Variants in ZFPM2 observed in about 807,000 individuals in gnomAD.
ZFPM2 encodes the protein zinc finger protein ZFPM2.
Under a neutral mutation model 98.6 loss-of-function variants are expected in ZFPM2, and 20 were observed. The observed-to-expected ratio is 0.20, with a 90% CI of 0.14 to 0.29. The LOEUF (loss-of-function observed/expected upper bound fraction) is 0.29. Among genes scored for constraint, ZFPM2 ranks in the 10% least tolerant of loss-of-function variants. The pLI is 1.00. For missense variants in ZFPM2, 1,310 were observed against 1,388.6 expected (o/e 0.94, Z 0.90); for synonymous variants, 518 against 502.7 (o/e 1.03, Z -0.41).
chr8:105,478,058 C>A (rs567828549), intron 3 of ZFPM2, among the ~76,000 whole-genome samples: 5 of 152,246 alleles, frequency 3.3e-5, no homozygotes, highest in African/African-American at 1.2e-4. Flanking sequence ...AACTCTGATC[C>A]AAATTTGCAA....
At chr8:105,788,330 A>G (rs1813484073) in intron 5 of ZFPM2, among the ~76,000 whole-genome samples, 1 of 152,158 alleles carries the variant, frequency 6.6e-6, no homozygotes, top group South Asian at 2.1e-4. Flanking sequence ...AGAAAGAATA[A>G]CTCCAAATGC....
At chr8:105,554,841 T>G (rs1814948682) in intron 3 of ZFPM2, among the ~76,000 whole-genome samples, 1 of 152,194 alleles carries the variant, frequency 6.6e-6, no homozygotes, top group Non-Finnish European at 1.5e-5. Context: ...GACTCATATC[T>G]GTCTGTTCCC....
chr8:105,550,308 C>A (rs1814820924), intron 3 of ZFPM2, among the ~76,000 whole-genome samples: 1 of 152,172 alleles, frequency 6.6e-6, no homozygotes, highest in African/African-American at 2.4e-5. Context: ...TGAATCCACT[C>A]TAATGGCTGC....
intron 1 of ZFPM2, among the ~76,000 whole-genome samples, chr8:105,386,043 A>C (rs554054987): frequency 4.2e-4 from 64 of 152,314 alleles, no homozygotes; most frequent in African/African-American, 1.4e-3. Context: ...AGTTATTGTG[A>C]ATATTAAATA....
chr8:105,452,860 C>T (rs1812515374), intron 3 of ZFPM2, among the ~76,000 whole-genome samples: 1 of 152,106 alleles, frequency 6.6e-6, no homozygotes, highest in African/African-American at 2.4e-5. Context: ...TTTCCTTGTA[C>T]CAGTATTGTG....
At chr8:105,348,580 A>G (rs1444201056) in intron 1 of ZFPM2, among the ~76,000 whole-genome samples, 2 of 152,228 alleles carry the variant, frequency 1.3e-5, no homozygotes, top group African/African-American at 4.8e-5. Context: ...GAAGAAAAGT[A>G]TATTAATAGC....
intron 3 of ZFPM2, among the ~76,000 whole-genome samples, chr8:105,458,922 A>T (rs555359807): frequency 1.3e-5 from 2 of 152,260 alleles, no homozygotes; most frequent in South Asian, 4.1e-4. Context: ...CAATAATTAT[A>T]GTAATATGAT....
At chr8:105,324,992 A>G (rs1336331597) in intron 1 of ZFPM2, among the ~76,000 whole-genome samples, 1 of 151,888 alleles carries the variant, frequency 6.6e-6, no homozygotes, top group Non-Finnish European at 1.5e-5. Flanking sequence ...TGGATATGTT[A>G]ACTTTGGAGT....
chr8:105,417,399 A>G (rs544208330), intron 1 of ZFPM2, among the ~76,000 whole-genome samples: 1 of 152,292 alleles, frequency 6.6e-6, no homozygotes, highest in Admixed American at 6.5e-5. Flanking sequence ...CTTAAATTAT[A>G]CAAATAAAAA....
chr8:105,359,602 C>A (rs1456854901), intron 1 of ZFPM2, among the ~76,000 whole-genome samples: 2 of 151,956 alleles, frequency 1.3e-5, no homozygotes, highest in Non-Finnish European at 2.9e-5. Flanking sequence ...TCTTGATCTC[C>A]TGACCTCATG....
chr8:105,447,118 C>T (rs1441388201), intron 3 of ZFPM2, among the ~76,000 whole-genome samples: 1 of 151,814 alleles, frequency 6.6e-6, no homozygotes, highest in Non-Finnish European at 1.5e-5. Context: ...CCCATTTACC[C>T]TGATATGACT....
At position 105,803,077 on chromosome 8, in the gene ZFPM2, A is replaced by G; in HGVS notation, c.2995A>G (p.Ile999Val). 1.9e-6 allele frequency: 3 copies of G among 1,613,924 alleles called. No individual in the cohort carries two copies. The highest frequency in any genetic ancestry group is 2.5e-6 in the Non-Finnish European group (3 of 1,179,858). The change falls in exon 8 of 8, where the codon ATC (isoleucine) becomes GTC (valine). Residue 999 changes from isoleucine (I) to valine (V), a missense_variant. Physicochemically the swap from Ile to Val is conservative, Grantham distance 29. Coordinates refer to ENST00000407775, the MANE Select transcript of ZFPM2 (RefSeq NM_012082.4). Reference sequence around the variant, plus strand: ...TGATTATATTTCTGGTTCTCTTGTCATCCATAACACTGACATCGAGCAAAG... The same window carrying G: ...TGATTATATTTCTGGTTCTCTTGTCGTCCATAACACTGACATCGAGCAAAG... ...PSDYISGSLV[I>V]HNTDIEQSRN... is the part of the protein sequence containing the mutation.
chr8:105,788,201 ATT>A (rs1320706259), intron 5 of ZFPM2, among the ~76,000 whole-genome samples: 2 of 152,152 alleles, frequency 1.3e-5, no homozygotes, highest in African/African-American at 4.8e-5. Context: ...AATTTTCTAG[ATT>A]TTAGGAGTTT....
intron 4 of ZFPM2, among the ~76,000 whole-genome samples, chr8:105,628,256 C>T (rs570941664): frequency 2.0e-5 from 3 of 152,100 alleles, no homozygotes; most frequent in Non-Finnish European, 4.4e-5. Flanking sequence ...ACAATAATGT[C>T]CTTTTGTTAT....
chr8:105,654,213 G>T (rs1359957885), intron 5 of ZFPM2, among the ~76,000 whole-genome samples: 1 of 149,934 alleles, frequency 6.7e-6, no homozygotes, highest in Non-Finnish European at 1.5e-5. Context: ...GAAAAAAAGA[G>T]AAGGAAAAAA....
intron 2 of ZFPM2, among the ~76,000 whole-genome samples, chr8:105,439,868 T>G (rs917755624): frequency 7.7e-4 from 117 of 152,330 alleles, no homozygotes; most frequent in African/African-American, 2.7e-3. Context: ...TGATACTCCA[T>G]TTAGTCTGTG....
At chr8:105,368,535 A>C (rs1810554047) in intron 1 of ZFPM2, among the ~76,000 whole-genome samples, 1 of 152,208 alleles carries the variant, frequency 6.6e-6, no homozygotes, top group African/African-American at 2.4e-5. Flanking sequence ...CTTTATACCA[A>C]GCAAATGAGA....
intron 4 of ZFPM2, among the ~76,000 whole-genome samples, chr8:105,625,970 G>GAA (rs200898545): frequency 2.5e-4 from 35 of 141,122 alleles, no homozygotes; most frequent in East Asian, 1.4e-3. Context: ...TCTATTTTCT[G>GAA]GAAAAAAAAA....
intron 5 of ZFPM2, among the ~76,000 whole-genome samples, chr8:105,718,641 C>A (rs1192246227): frequency 1.3e-5 from 2 of 151,788 alleles, no homozygotes; most frequent in South Asian, 2.1e-4. Flanking sequence ...AAATATGACA[C>A]AATACGCATT....
Sources: gnomAD v4.1 joint callset for allele counts (sites outside exome capture counted in the v4.1 genomes callset) on GRCh38, gnomAD v4.1.1 for gene constraint, MANE v1.5 for transcripts, NCBI Gene and HGNC (gene_info 2026-07-23, HGNC 2026-07-21) for gene names.